GEN1: variants seen among roughly 807,000 people sequenced by gnomAD.
GEN1 encodes flap endonuclease GEN homolog 1.
Under a neutral mutation model 67.6 loss-of-function variants are expected in GEN1, and 64 were observed. That is an observed-to-expected ratio of 0.95 (90% CI 0.77 to 1.17). GEN1 has a LOEUF of 1.17. Among genes scored for constraint, GEN1 ranks in the 50% most tolerant of loss-of-function variants. GEN1 has a pLI of 0.00. For synonymous variants in GEN1, 371 were observed against 359.4 expected, an observed-to-expected ratio of 1.03 and a Z score of -0.37; for missense variants, 1,058 against 1,048.3, an observed-to-expected ratio of 1.01 and a Z score of -0.13.
At position 17,780,963 on chromosome 2, in the gene GEN1, A is replaced by C. The variant is rs1358271239; in HGVS notation, c.1751A>C (p.His584Pro). Residue 584 changes from histidine (H) to proline (P), a missense_variant, in exon 14 of 14, where the codon CAC becomes CCC. Coordinates refer to ENST00000381254, the MANE Select transcript of GEN1 (RefSeq NM_001130009.3). ...AATATATCCGTGATTGCTGATCTAC[A>C]CTTGAGCACTATTGACTGGGAAGGT... is the stretch of plus-strand genomic sequence containing the variant. ...SHNISVIADL[H>P]LSTIDWEGTS... The C allele has an allele frequency of 1.2e-6, 2 of 1,613,564 alleles. No individual in the cohort carries two copies. The highest frequency in any genetic ancestry group is 2.2e-5 in the East Asian group (1 of 44,874).
chr2:17,761,363 A>T, intron 2 of GEN1, 33 bp from the exon 3 acceptor site: 3 of 1,195,560 alleles, frequency 2.5e-6, no homozygotes, highest in Non-Finnish European at 3.6e-6. Flanking sequence ...TCAGTGTTTG[A>T]TGATTAATGT....
rs1412812946 is a variant in GEN1, at chr2:17,783,100, G to C, written c.*1161G>C. 1.3e-5 allele frequency: 2 copies of C among 151,984 alleles called. No individual in the cohort carries two copies. The highest frequency in any genetic ancestry group is 6.6e-5 in the Admixed American group (1 of 15,258). The allele number at this position is 151,984 out of a possible 1,614,324, so 9.4% of individuals were successfully genotyped here. A position where few individuals can be genotyped will look rare whatever the true frequency, so the allele number is the denominator to read the frequency against. On this transcript the variant is annotated 3_prime_UTR_variant, in exon 14 of 14. Transcript: ENST00000381254. ...TTTGAGACAGAGTCTCACTCTTGTC[G>C]AGACTGGGGTGTAGTGGCGCCATCT...
At position 17,780,870 on chromosome 2, in the gene GEN1, T is replaced by C. The variant is rs748723422; in HGVS notation, c.1658T>C (p.Ile553Thr). The change falls in exon 14 of 14, where the codon ATA becomes ACA. Residue 553 changes from isoleucine to threonine, a missense_variant. Transcript: ENST00000381254. ...ATGTCTTCTCTAAGACCTTTGGCTA[T>C]ACAGCAAATTAAAGCTGTCAGTAAG... Reference protein sequence around the residue: ...QFMSSLRPLAIQQIKAVSKSL... With the variant: ...QFMSSLRPLATQQIKAVSKSL... The C allele has an allele frequency of 1.9e-6, 3 of 1,613,864 alleles. No individual in the cohort carries two copies. The highest frequency in any genetic ancestry group is 1.1e-5 in the South Asian group (1 of 91,068).
At chr2:17,762,689 GTA>G (rs1368820673) in intron 3 of GEN1, among the ~76,000 whole-genome samples, 1 of 152,110 alleles carries the variant, frequency 6.6e-6, no homozygotes, top group East Asian at 1.9e-4. Flanking sequence ...ACCCCTGATT[GTA>G]TATGTTATTT....
In GEN1 at chr2:17,764,991, T is replaced by G. The variant is rs1158713087; in HGVS notation, c.443T>G (p.Val148Gly). 1 of 1,614,174 alleles carries G rather than the reference T, an allele frequency of 6.2e-7. No homozygotes were observed. Reference protein sequence around the residue: ...MCAYLNAGGHVDGCLTNDGDT... With the variant: ...MCAYLNAGGHGDGCLTNDGDT... ...GCTTATCTCAATGCTGGTGGTCATG[T>G]CGATGGCTGCCTCACCAATGATGGA... Residue 148 changes from valine (V) to glycine (G), a missense_variant, in exon 4 of 14, where the codon GTC becomes GGC. By Grantham distance (109) the Val-to-Gly change is moderately radical. Transcript: ENST00000381254.
intron 1 of GEN1, among the ~76,000 whole-genome samples, chr2:17,756,169 C>T (rs557594613): frequency 6.8e-4 from 103 of 152,284 alleles, no homozygotes; most frequent in African/African-American, 2.4e-3. Flanking sequence ...TTCCCAAGGT[C>T]ATACACCTAA....
chr2:17,768,625 TATTG>T, intron 5 of GEN1, 109 bp from the exon 6 acceptor site: 1 of 727,004 alleles, frequency 1.4e-6, no homozygotes, highest in Non-Finnish European at 2.3e-6. Flanking sequence ...TTCCTATCTT[TATTG>T]AAGAGTTACC....
At position 17,760,085 on chromosome 2, in the gene GEN1, G is replaced by A. The variant is rs202068919; in HGVS notation, c.142G>A (p.Val48Ile). ...AQTVKKMMGS[V>I]MKPHLRNLFF... is the part of the protein sequence containing the mutation. ...GACAGTCAAAAAAATGATGGGCAGC[G>A]TCATGAAGCCCCACCTCAGGTATAG... The change falls in exon 2 of 14, where the codon GTC becomes ATC. Residue 48 changes from valine (V) to isoleucine (I), a missense_variant. Coordinates refer to ENST00000381254, the MANE Select transcript of GEN1 (RefSeq NM_001130009.3). The A allele has an allele frequency of 5.0e-5, 81 of 1,613,960 alleles. No individual in the cohort carries two copies. Among genetic ancestry groups the A allele is most frequent in the Admixed American group, 3.0e-4 (18 of 60,024 alleles).
chr2:17,768,956 A>G (rs904794137), intron 6 of GEN1, 145 bp downstream of exon 6: 1 of 482,394 alleles, frequency 2.1e-6, no homozygotes, highest in Admixed American at 4.0e-5. Flanking sequence ...AAGATAATTT[A>G]TTTTTATTTA....
Position 17,774,292 on chromosome 2 carries a change from G to T in GEN1, c.1093G>T (p.Glu365Ter). 6.4e-7 allele frequency: 1 copy of T among 1,567,608 alleles called. No homozygotes were observed. The highest frequency in any genetic ancestry group is 1.2e-5 in the South Asian group (1 of 84,484). The part of the protein sequence containing the change: ...LFQRFTLEKM[E>*]WPNHYACEKL... ...ATAGAGATTTACTCTTGAAAAAATGGAGTGGCCCAATCACTATGCATGTGA... is the reference window on the plus strand; with the variant it reads ...ATAGAGATTTACTCTTGAAAAAATGTAGTGGCCCAATCACTATGCATGTGA... Residue 365 changes from glutamate to a stop codon, truncating the protein, a stop_gained, in exon 11 of 14, where the codon GAG becomes TAG. Coordinates refer to ENST00000381254, the MANE Select transcript of GEN1 (RefSeq NM_001130009.3). LOFTEE classifies it high-confidence loss of function.
chr2:17,771,261 C>A lies in GEN1; in HGVS notation c.776C>A (p.Ala259Asp), dbSNP rs1233072536. 1.2e-6 allele frequency: 2 copies of A among 1,607,484 alleles called. No individual in the cohort carries two copies. Among genetic ancestry groups the A allele is most frequent in the Non-Finnish European group, 1.7e-6 (2 of 1,174,304 alleles). ...CAACTGCTAGTCACTAAAAAACTGG[C>A]TCATTGTTCCGTATGTTCCCATCCA... is the stretch of plus-strand genomic sequence containing the variant. The part of the protein sequence containing the change: ...SPQLLVTKKL[A>D]HCSVCSHPGS... The change falls in exon 7 of 14, where the codon GCT (alanine) becomes GAT (aspartate). Residue 259 changes from alanine to aspartate, a missense_variant. Ala to Asp is a moderately radical substitution (Grantham distance 126). Coordinates refer to ENST00000381254, the MANE Select transcript of GEN1 (RefSeq NM_001130009.3).
At position 17,762,139 on chromosome 2, in the gene GEN1, A is replaced by G. The variant is rs192660181; in HGVS notation, c.348+557A>G. 8.7e-4 allele frequency among the ~76,000 whole-genome samples: 131 copies of G among 150,302 alleles called. 1 individual carries two copies. The highest frequency in any genetic ancestry group is 7.0e-3 in the Middle Eastern group (2 of 286). The stretch of plus-strand genomic sequence containing the variant: ...TATTTGTATGAAACTTAAGAAAGAA[A>G]TCATCTATAGTATATAATTAAAACA... On this transcript the variant is annotated intron_variant, in intron 3 of 13. Transcript: ENST00000381254.
At position 17,765,086 on chromosome 2, in the gene GEN1, T is replaced by C. The variant is rs1436603565; in HGVS notation, c.525+13T>C. On this transcript the variant is annotated intron_variant, in intron 4 of 13. Coordinates refer to ENST00000381254, the MANE Select transcript of GEN1 (RefSeq NM_001130009.3). Reference sequence around the variant, plus strand: ...TATGAATACAAAGGTGTTTATTTTCTTTCTCTTTTTCAGCATTTGTTTACG... The same window carrying C: ...TATGAATACAAAGGTGTTTATTTTCCTTCTCTTTTTCAGCATTTGTTTACG... 6.2e-7 allele frequency: 1 copy of C among 1,611,666 alleles called. No individual in the cohort carries two copies. Among genetic ancestry groups the C allele is most frequent in the Non-Finnish European group, 8.5e-7 (1 of 1,178,760 alleles).
rs759922532 is a variant in GEN1, at chr2:17,760,078, G to A, written c.135G>A (p.Met45Ile). The A allele has an allele frequency of 3.7e-6, 6 of 1,613,540 alleles. No homozygotes were observed. The African/African-American group carries it at 6.7e-5, about 18-fold the overall frequency. ...AGGCACAGACAGTCAAAAAAATGAT[G>A]GGCAGCGTCATGAAGCCCCACCTCA... ...VCEAQTVKKMMGSVMKPHLRN... is the reference protein window; with the variant it reads ...VCEAQTVKKMIGSVMKPHLRN... Residue 45 changes from methionine (M) to isoleucine (I), a missense_variant, in exon 2 of 14, where the codon ATG (methionine) becomes ATA (isoleucine). By Grantham distance (10) the Met-to-Ile change is conservative. Transcript: ENST00000381254.
chr2:17,773,367 C>G, intron 10 of GEN1, 68 bp downstream of exon 10: 1 of 955,268 alleles, frequency 1.0e-6, no homozygotes, highest in East Asian at 2.5e-5. Context: ...CAGATATTCA[C>G]TCTGATTGGT....
chr2:17,774,513 T>G, intron 11 of GEN1, 112 bp downstream of exon 11: 1 of 752,506 alleles, frequency 1.3e-6, no homozygotes, highest in Non-Finnish European at 2.0e-6. Context: ...AAAGGCCTCC[T>G]GGAATATTAA....
intron 7 of GEN1, 58 bp downstream of exon 7, chr2:17,771,345 C>G: frequency 1.0e-6 from 1 of 1,004,874 alleles, no homozygotes; most frequent in Non-Finnish European, 1.6e-6. Flanking sequence ...AATTCTTGTT[C>G]ACATAGTACT....
chr2:17,766,614 C>A lies in GEN1; in HGVS notation c.561C>A (p.Ile187=). 1 of 1,607,496 alleles carries A rather than the reference C, an allele frequency of 6.2e-7. No homozygotes were observed. Among genetic ancestry groups the A allele is most frequent in the Non-Finnish European group, 8.5e-7 (1 of 1,174,640 alleles). ...PHVDCYTMSS[I]KSKLGLDRDA... ...TTGACTGTTACACAATGTCATCTAT[C>A]AAGAGTAAACTAGGTTTGGATAGAG... is the stretch of plus-strand genomic sequence containing the variant. The change falls in exon 5 of 14, where the codon ATC becomes ATA. Residue 187 remains isoleucine, a synonymous_variant. Transcript: ENST00000381254.
chr2:17,779,510 G>A (rs1313032983), intron 12 of GEN1, among the ~76,000 whole-genome samples: 1 of 152,158 alleles, frequency 6.6e-6, no homozygotes, highest in Non-Finnish European at 1.5e-5. Flanking sequence ...TCAACAGATT[G>A]TTAGAATATA....
Sources: allele counts gnomAD v4.1 joint callset (sites outside exome capture counted in the v4.1 genomes callset), GRCh38; gene constraint gnomAD v4.1.1; transcripts MANE v1.5; gene names NCBI Gene and HGNC (gene_info 2026-07-23, HGNC 2026-07-21).